CALB2: variants seen among roughly 807,000 people sequenced by gnomAD.
CALB2 encodes calretinin.
In CALB2, 34 loss-of-function variants were observed where a neutral mutation model predicts 45.9. The observed-to-expected ratio is 0.74, with a 90% CI of 0.56 to 0.99. The LOEUF (loss-of-function observed/expected upper bound fraction) is 0.99, where lower values mean the gene tolerates loss of function less well. Ranked by LOEUF, CALB2 falls within the 50% of genes least tolerant of loss-of-function variation. The pLI is 0.00. For missense variants in CALB2, 344 were observed against 339.3 expected (o/e 1.01, Z -0.11); for synonymous variants, 142 against 129.6 (o/e 1.10, Z -0.65).
In CALB2 at chr16:71,381,603, A is replaced by T. The variant is rs9940728; in HGVS notation, c.343-1116A>T. ...GAAGTGGGGGGAGGCAGGGGATAAG[A>T]TGTAGGAAAAGGATTAGTGGTTGCT... On this transcript the variant is annotated intron_variant, in intron 4 of 10. Coordinates refer to ENST00000302628, the MANE Select transcript of CALB2 (RefSeq NM_001740.5). 4.0e-3 allele frequency among the ~76,000 whole-genome samples: 601 copies of T among 152,054 alleles called. 5 individuals carry two copies. The highest frequency in any genetic ancestry group is 0.014 in the African/African-American group (567 of 41,504).
intron 4 of CALB2, among the ~76,000 whole-genome samples, chr16:71,380,682 G>T (rs764008167): frequency 2.2e-4 from 34 of 151,980 alleles, no homozygotes; most frequent in Non-Finnish European, 1.5e-5. Context: ...TGCCCGCCAC[G>T]GTTTCTGGGA....
rs555308217 is a variant in CALB2 at position 71,380,029 on chromosome 16, T to C, written c.342+2282T>C. Among the ~76,000 whole-genome samples the C allele has an allele frequency of 3.3e-5, 5 of 152,208 alleles. No individual in the cohort carries two copies. In the South Asian group the frequency reaches 1.0e-3, roughly 32 times the overall value. On this transcript the variant is annotated intron_variant, in intron 4 of 10. Coordinates refer to ENST00000302628, the MANE Select transcript of CALB2 (RefSeq NM_001740.5). Reference sequence around the variant, plus strand: ...CTTATAACTTGTCAGGGTGTTGCTTTTGTATCAAGTTTTCCAACTATAGAA... The same window carrying C: ...CTTATAACTTGTCAGGGTGTTGCTTCTGTATCAAGTTTTCCAACTATAGAA...
chr16:71,375,477 G>A (rs866639176), intron 3 of CALB2, among the ~76,000 whole-genome samples: 9 of 152,212 alleles, frequency 5.9e-5, no homozygotes, highest in South Asian at 2.1e-4. Flanking sequence ...AGGCTGAGGC[G>A]GAGGATCCTT....
chr16:71,388,334 C>CAAAAA (rs71153632), intron 10 of CALB2, among the ~76,000 whole-genome samples: 10 of 103,380 alleles, frequency 9.7e-5, no homozygotes, highest in Non-Finnish European at 1.3e-4. Flanking sequence ...GACCTTATCT[C>CAAAAA]AAAAAAAAAA....
At position 71,389,795 on chromosome 16, in the gene CALB2, C is replaced by A. The variant is rs1481454224; in HGVS notation, c.746C>A (p.Ser249Tyr). 6.2e-7 allele frequency: 1 copy of A among 1,613,894 alleles called. No individual in the cohort carries two copies. Among genetic ancestry groups the A allele is most frequent in the Non-Finnish European group, 8.5e-7 (1 of 1,179,988 alleles). ...ACCAACTACAGAAAGAGCGTCATGT[C>A]CTTGGCAGAGGCAGGGAAGCTCTAC... ...QLTNYRKSVM[S>Y]LAEAGKLYRK... Residue 249 changes from serine (S) to tyrosine (Y), a missense_variant, in exon 11 of 11, where the codon TCC becomes TAC. Ser to Tyr is a moderately radical substitution (Grantham distance 144). Transcript: ENST00000302628.
chr16:71,362,579 C>T (rs2144948715), intron 1 of CALB2, among the ~76,000 whole-genome samples: 3 of 152,256 alleles, frequency 2.0e-5, no homozygotes, highest in Admixed American at 2.0e-4. Context: ...ATATGGTCAT[C>T]CCTATGATGG....
intron 2 of CALB2, among the ~76,000 whole-genome samples, chr16:71,374,404 C>A (rs1455139087): frequency 6.6e-6 from 1 of 152,174 alleles, no homozygotes; most frequent in Non-Finnish European, 1.5e-5. Flanking sequence ...AATGTTGAGG[C>A]CTTAATTCTC....
Position 71,366,024 on chromosome 16 carries a change from C to CTTTTTTTTT in CALB2, c.95-6117_95-6109dup, listed in dbSNP as rs1171021532. Among the ~76,000 whole-genome samples the CTTTTTTTTT allele has an allele frequency of 1.6e-3, 74 of 45,068 alleles. 4 individuals are homozygous for CTTTTTTTTT. Among genetic ancestry groups the CTTTTTTTTT allele is most frequent in the South Asian group, 6.3e-3 (8 of 1,268 alleles). The allele number at this position is 45,068 out of a possible 152,430, so 29.6% of individuals were successfully genotyped here. On this transcript the variant is annotated intron_variant, in intron 1 of 10. Transcript: ENST00000302628. ...TCTTTGTTTTCTTCCCTCTCTCTCT[C>CTTTTTTTTT]TTTTTTTTTTTTTTTTTTTTGAGAT...
chr16:71,370,667 G>C (rs1173235535), intron 1 of CALB2, among the ~76,000 whole-genome samples: 1 of 152,114 alleles, frequency 6.6e-6, no homozygotes, highest in Non-Finnish European at 1.5e-5. Context: ...GCGGTAGTAT[G>C]TTATGATCAC....
chr16:71,375,872 G>C (rs983427287), intron 3 of CALB2, among the ~76,000 whole-genome samples: 1 of 152,192 alleles, frequency 6.6e-6, no homozygotes, highest in African/African-American at 2.4e-5. Flanking sequence ...AGTGGATGCA[G>C]GCTGCCCCTC....
At chr16:71,378,683 G>A (rs1027215658) in intron 4 of CALB2, among the ~76,000 whole-genome samples, 2 of 152,214 alleles carry the variant, frequency 1.3e-5, no homozygotes, top group African/African-American at 2.4e-5. Context: ...GGTCAAGTAC[G>A]CTTGGGAAAC....
At chr16:71,364,254 CA>C (rs2042260587) in intron 1 of CALB2, among the ~76,000 whole-genome samples, 1 of 150,554 alleles carries the variant, frequency 6.6e-6, no homozygotes, top group Non-Finnish European at 1.5e-5. Context: ...ACCCGTTTCA[CA>C]AACAAGATGC....
At chr16:71,389,198 A>AAATAAAAAT (rs2042607871) in intron 10 of CALB2, among the ~76,000 whole-genome samples, 2 of 152,038 alleles carry the variant, frequency 1.3e-5, no homozygotes, top group Admixed American at 1.3e-4. Context: ...AAAATAAAAA[A>AAATAAAAAT]AATAAAAAAA....
Position 71,382,734 on chromosome 16 carries a change from G to A in CALB2, c.358G>A (p.Asp120Asn), listed in dbSNP as rs769823419. 10 of 1,611,614 alleles carry A rather than the reference G, an allele frequency of 6.2e-6. No homozygotes were observed. In the African/African-American group the frequency reaches 9.4e-5, roughly 15 times the overall value. ...GTTGTTGCAGGCTTGGCGGAAGTAC[G>A]ACACAGACAGGAGTGGCTACATCGA... ...AEFMEAWRKY[D>N]TDRSGYIEAN... is the part of the protein sequence containing the mutation. Residue 120 changes from aspartate to asparagine, a missense_variant, in exon 5 of 11, where the codon GAC becomes AAC. Asp to Asn is a conservative substitution (Grantham distance 23). Transcript: ENST00000302628.
chr16:71,371,278 A>T (rs1247127922), intron 1 of CALB2, among the ~76,000 whole-genome samples: 1 of 152,116 alleles, frequency 6.6e-6, no homozygotes, highest in African/African-American at 2.4e-5. Flanking sequence ...CCTGTGACCA[A>T]GTCTCAGGTA....
intron 1 of CALB2, among the ~76,000 whole-genome samples, chr16:71,368,911 A>G (rs947831841): frequency 6.6e-6 from 1 of 152,150 alleles, no homozygotes; most frequent in African/African-American, 2.4e-5. Flanking sequence ...ACCTCCTTCA[A>G]ACCTTTCTAG....
chr16:71,388,553 G>T (rs1004344803), intron 10 of CALB2, among the ~76,000 whole-genome samples: 2 of 152,010 alleles, frequency 1.3e-5, no homozygotes, highest in Admixed American at 6.6e-5. Flanking sequence ...TTTAATATGG[G>T]TCTCCATTTA....
At chr16:71,377,622 T>A (rs115276994) in intron 3 of CALB2, 45 bp from the exon 4 acceptor site, 32 of 1,401,580 alleles carry the variant, frequency 2.3e-5, no homozygotes, top group Non-Finnish European at 2.9e-5. Context: ...CTGCTCCCTG[T>A]CAAGTCCCTC....
intron 2 of CALB2, among the ~76,000 whole-genome samples, chr16:71,372,438 G>A (rs1355733424): frequency 6.6e-6 from 1 of 152,160 alleles, no homozygotes; most frequent in Non-Finnish European, 1.5e-5. Flanking sequence ...ATTCATGAGT[G>A]GACACCAGGG....
Sources: allele counts gnomAD v4.1 joint callset (sites outside exome capture counted in the v4.1 genomes callset), GRCh38; gene constraint gnomAD v4.1.1; transcripts MANE v1.5; gene names NCBI Gene and HGNC (gene_info 2026-07-23, HGNC 2026-07-21).